Variants in IMMP2L observed in about 807,000 individuals in gnomAD.
IMMP2L encodes the protein mitochondrial inner membrane protease subunit 2.
In IMMP2L, 18 loss-of-function variants were observed where a neutral mutation model predicts 19.3. The observed-to-expected ratio is 0.93, with a 90% CI of 0.64 to 1.38. The LOEUF (loss-of-function observed/expected upper bound fraction) is 1.38, where lower values mean the gene tolerates loss of function less well. Ranked by LOEUF, IMMP2L falls within the 40% of genes most tolerant of loss-of-function variation. The pLI is 0.00. For missense variants in IMMP2L, 233 were observed against 218.2 expected, an observed-to-expected ratio of 1.07 and a Z score of -0.43; for synonymous variants, 76 against 73.0, an observed-to-expected ratio of 1.04 and a Z score of -0.21.
At chr7:111,079,408 C>T (rs10226045) in intron 3 of IMMP2L, among the ~76,000 whole-genome samples, 120,985 of 151,994 alleles carry the variant, frequency 0.8, 49,935 homozygotes, top group Non-Finnish European at 0.9. Flanking sequence ...TGAGCCACCG[C>T]GCCCGGCCTA....
intron 5 of IMMP2L, among the ~76,000 whole-genome samples, chr7:110,788,790 G>C (rs1485936931): frequency 6.6e-6 from 1 of 151,732 alleles, no homozygotes; most frequent in Non-Finnish European, 1.5e-5. Context: ...TTCCCATCTT[G>C]CTTGCTCTTC....
intron 3 of IMMP2L, among the ~76,000 whole-genome samples, chr7:111,044,333 G>T (rs1792176677): frequency 1.3e-5 from 2 of 152,186 alleles, no homozygotes; most frequent in Non-Finnish European, 2.9e-5. Flanking sequence ...GTCAAGGCCA[G>T]TGGATCACCC....
chr7:111,207,425 T>C (rs1810825713), intron 3 of IMMP2L, among the ~76,000 whole-genome samples: 2 of 152,100 alleles, frequency 1.3e-5, no homozygotes, highest in African/African-American at 4.8e-5. Flanking sequence ...AACTGCTTAC[T>C]CTTTCATTCC....
chr7:111,310,693 C>T (rs1478991358), intron 3 of IMMP2L, among the ~76,000 whole-genome samples: 3 of 152,052 alleles, frequency 2.0e-5, no homozygotes, highest in East Asian at 1.9e-4. Context: ...GATTTTACAT[C>T]GCCCTGACAG....
intron 5 of IMMP2L, among the ~76,000 whole-genome samples, chr7:110,784,585 G>C (rs746025414): frequency 6.6e-6 from 1 of 151,966 alleles, no homozygotes; most frequent in Non-Finnish European, 1.5e-5. Flanking sequence ...AAATGTAAAT[G>C]TGATCACCCC....
At chr7:110,926,712 A>C (rs956371925) in intron 4 of IMMP2L, among the ~76,000 whole-genome samples, 3 of 152,136 alleles carry the variant, frequency 2.0e-5, no homozygotes, top group Admixed American at 1.3e-4. Flanking sequence ...TTTTTTCCTG[A>C]AACATGCTTT....
At chr7:111,132,950 G>C (rs1489910088) in intron 3 of IMMP2L, among the ~76,000 whole-genome samples, 1 of 151,970 alleles carries the variant, frequency 6.6e-6, no homozygotes, top group Non-Finnish European at 1.5e-5. Context: ...GAGTACTAAA[G>C]TCACTATGTT....
chr7:111,080,465 C>G (rs1290465484), intron 3 of IMMP2L, among the ~76,000 whole-genome samples: 1 of 149,296 alleles, frequency 6.7e-6, no homozygotes, highest in Non-Finnish European at 1.5e-5. Context: ...TATGTATATT[C>G]TTATATACAT....
chr7:110,792,312 T>G (rs1800514221), intron 5 of IMMP2L, among the ~76,000 whole-genome samples: 1 of 151,750 alleles, frequency 6.6e-6, no homozygotes, highest in Non-Finnish European at 1.5e-5. Flanking sequence ...GTGAAAGGAC[T>G]GGCATACAGG....
chr7:111,350,352 T>G (rs1034762144), intron 3 of IMMP2L, among the ~76,000 whole-genome samples: 1 of 54,974 alleles, frequency 1.8e-5, no homozygotes. Context: ...CATATATACA[T>G]ATATATATAT....
At chr7:111,158,275 T>G (rs1586619537) in intron 3 of IMMP2L, among the ~76,000 whole-genome samples, 1 of 152,218 alleles carries the variant, frequency 6.6e-6, no homozygotes, top group East Asian at 1.9e-4. Flanking sequence ...TATAGGTAGA[T>G]ATAGGTAGAT....
At chr7:110,777,578 G>A (rs1799475915) in intron 5 of IMMP2L, among the ~76,000 whole-genome samples, 1 of 151,980 alleles carries the variant, frequency 6.6e-6, no homozygotes, top group Admixed American at 6.6e-5. Context: ...TGAGAAAGCT[G>A]CAGAGCTGGA....
chr7:110,817,824 C>G (rs1187412920), intron 5 of IMMP2L, among the ~76,000 whole-genome samples: 2 of 152,152 alleles, frequency 1.3e-5, no homozygotes, highest in Non-Finnish European at 2.9e-5. Flanking sequence ...CTACAACCAT[C>G]TGATCTTTGA....
intron 3 of IMMP2L, among the ~76,000 whole-genome samples, chr7:110,977,052 C>G (rs1455366805): frequency 6.6e-6 from 1 of 151,818 alleles, no homozygotes; most frequent in Non-Finnish European, 1.5e-5. Flanking sequence ...ATAAAAACCT[C>G]CTCGGATCAG....
chr7:111,479,399 G>A (rs1841990938), intron 3 of IMMP2L, among the ~76,000 whole-genome samples: 1 of 151,982 alleles, frequency 6.6e-6, no homozygotes, highest in Non-Finnish European at 1.5e-5. Flanking sequence ...TCCATTTACA[G>A]CCAGAAATAG....
At chr7:110,982,994 C>T (rs1821462668) in intron 3 of IMMP2L, among the ~76,000 whole-genome samples, 1 of 152,022 alleles carries the variant, frequency 6.6e-6, no homozygotes, top group South Asian at 2.1e-4. Flanking sequence ...CTTCCCTCAA[C>T]TAAGGGCCAA....
At chr7:111,561,397 C>T (rs1792028342) in intron 1 of IMMP2L, among the ~76,000 whole-genome samples, 3 of 152,092 alleles carry the variant, frequency 2.0e-5, no homozygotes, top group Non-Finnish European at 4.4e-5. Context: ...GCTTTGGGGT[C>T]CTAAAGGATT....
intron 5 of IMMP2L, among the ~76,000 whole-genome samples, chr7:110,823,906 C>G (rs1459955133): frequency 6.6e-6 from 1 of 152,006 alleles, no homozygotes; most frequent in African/African-American, 2.4e-5. Flanking sequence ...ACTGAGAGAT[C>G]AGTTGAATAT....
intron 3 of IMMP2L, among the ~76,000 whole-genome samples, chr7:111,465,770 T>C (rs890734466): frequency 1.6e-4 from 25 of 152,142 alleles, no homozygotes; most frequent in African/African-American, 5.8e-4. Context: ...AGTGTGGTGA[T>C]TTCTCAGGGA....
Sources: gnomAD v4.1 joint callset for allele counts (sites outside exome capture counted in the v4.1 genomes callset) on GRCh38, gnomAD v4.1.1 for gene constraint, MANE v1.5 for transcripts, NCBI Gene and HGNC (gene_info 2026-07-23, HGNC 2026-07-21) for gene names.